The following ERGIC3 variants were observed in gnomAD, a reference collection of about 807,000 sequenced individuals.
The protein encoded by ERGIC3 is ERGIC and golgi 3, also known as endoplasmic reticulum-Golgi intermediate compartment protein 3.
Under a neutral mutation model 54.7 loss-of-function variants are expected in ERGIC3, and 33 were observed. The observed-to-expected ratio is 0.60, with a 90% confidence interval of 0.46 to 0.81. The LOEUF (loss-of-function observed/expected upper bound fraction) is 0.81. ERGIC3 is among the 30% of genes least tolerant of loss of function. The pLI is 0.00. For synonymous variants in ERGIC3, 186 were observed against 189.8 expected, an observed-to-expected ratio of 0.98 and a Z score of 0.16; for missense variants, 399 against 488.4, an observed-to-expected ratio of 0.82 and a Z score of 1.73.
intron 4 of ERGIC3, 170 bp from the exon 5 acceptor site, chr20:35,547,242 G>T (rs2064653407): frequency 3.4e-6 from 2 of 585,244 alleles, no homozygotes; most frequent in Non-Finnish European, 6.2e-6. Flanking sequence ...TTTATTAAAA[G>T]AATTGATATG....
At chr20:35,552,537 C>T (rs1287573979) in intron 7 of ERGIC3, among the ~76,000 whole-genome samples, 1 of 152,108 alleles carries the variant, frequency 6.6e-6, no homozygotes, top group Non-Finnish European at 1.5e-5. Flanking sequence ...CATCTTGATT[C>T]TGGACCACAG....
Position 35,548,795 on chromosome 20 carries a change from A to C in ERGIC3, c.628-13A>C, listed in dbSNP as rs1419639258. 6 of 1,614,212 alleles carry C rather than the reference A, an allele frequency of 3.7e-6. No individual in the cohort carries two copies. Among genetic ancestry groups the C allele is most frequent in the Non-Finnish European group, 5.1e-6 (6 of 1,180,020 alleles). The stretch of plus-strand genomic sequence containing the variant: ...GGACACAGCCAGTGAATGAGAGAGA[A>C]TGTTCCTTACAGGTGGCCGGAAACT... On this transcript the variant is annotated splice_polypyrimidine_tract_variant and intron_variant, in intron 6 of 12. Coordinates refer to ENST00000348547, the MANE Select transcript of ERGIC3 (RefSeq NM_015966.3).
rs558442058 is a variant in ERGIC3 at position 35,555,311 on chromosome 20, G to A, written c.717+236G>A. 3.3e-5 allele frequency among the ~76,000 whole-genome samples: 5 copies of A among 152,236 alleles called. No homozygotes were observed. The South Asian group carries it at 6.2e-4, about 19-fold the overall frequency. ...CATCCTAGACAGACAGAGCCTCAGC[G>A]CAAGGTCAGGCGGGAGCATGGCCCT... On this transcript the variant is annotated intron_variant, in intron 8 of 12. Transcript: ENST00000348547.
chr20:35,543,127 C>G (rs74332413), intron 4 of ERGIC3, 186 bp downstream of exon 4: 13 of 669,366 alleles, frequency 1.9e-5, no homozygotes, highest in East Asian at 3.2e-5. Context: ...CTATACATAT[C>G]GAGTCAGGTA....
intron 7 of ERGIC3, among the ~76,000 whole-genome samples, chr20:35,553,681 C>T (rs556588375): frequency 1.3e-5 from 2 of 152,090 alleles, no homozygotes; most frequent in African/African-American, 4.8e-5. Context: ...AGTGTGGGGG[C>T]TGGAGGACCC....
intron 4 of ERGIC3, among the ~76,000 whole-genome samples, chr20:35,547,044 C>T (rs1331881652): frequency 6.6e-6 from 1 of 152,102 alleles, no homozygotes; most frequent in Admixed American, 6.6e-5. Context: ...AAATCTGTTT[C>T]CTCGGTTGCA....
At chr20:35,554,403 C>T (rs199933807) in intron 7 of ERGIC3, 63 of 1,613,980 alleles carry the variant, frequency 3.9e-5, no homozygotes, top group Non-Finnish European at 2.7e-5. Context: ...GGCCCTGCCC[C>T]CATGGAGGCC....
At chr20:35,543,744 A>T in intron 4 of ERGIC3, 1 of 469,900 alleles carries the variant, frequency 2.1e-6, no homozygotes, top group Non-Finnish European at 4.4e-6. Context: ...ATGGTTGTTG[A>T]TTCCAACGCT....
At position 35,557,524 on chromosome 20, in the gene ERGIC3, T is replaced by TGTC. The variant is rs758608424; in HGVS notation, c.*21_*23dup. 49 of 1,609,362 alleles carry TGTC rather than the reference T, an allele frequency of 3.0e-5. No homozygotes were observed. The East Asian group carries it at 7.6e-4, about 25-fold the overall frequency. The stretch of plus-strand genomic sequence containing the variant: ...ACGTAGTCACCCTCGGTGCTTCCTC[T>TGTC]GTCTCCTCTTTCTCCCTGGCCTGTG... On this transcript the variant is annotated 3_prime_UTR_variant, in exon 13 of 13. Transcript: ENST00000348547.
At position 35,553,998 on chromosome 20, in the gene ERGIC3, G is replaced by A. The variant is rs2064697729; in HGVS notation, c.686-1046G>A. Among the ~76,000 whole-genome samples, 4 of 152,300 alleles carry A rather than the reference G, an allele frequency of 2.6e-5. No individual in the cohort carries two copies. In the South Asian group the frequency reaches 8.3e-4, roughly 32 times the overall value. ...TCCTTGTTGATTGGGGCTGGGGTGGGTAATAATCTCTTACAGTGTAAAGTT... is the reference window on the plus strand; with the variant it reads ...TCCTTGTTGATTGGGGCTGGGGTGGATAATAATCTCTTACAGTGTAAAGTT... On this transcript the variant is annotated intron_variant, in intron 7 of 12. Coordinates refer to ENST00000348547, the MANE Select transcript of ERGIC3 (RefSeq NM_015966.3).
At chr20:35,548,750 G>T in intron 6 of ERGIC3, 58 bp from the exon 7 acceptor site, 1 of 1,614,172 alleles carries the variant, frequency 6.2e-7, no homozygotes, top group Admixed American at 1.7e-5. Context: ...GCCCAGTCAG[G>T]CCCTGAGTAG....
rs1477245413 is a variant in ERGIC3, at chr20:35,556,198, T to TC, written c.815-5dup. 6.2e-7 allele frequency: 1 copy of TC among 1,614,026 alleles called. No homozygotes were observed. Among genetic ancestry groups the TC allele is most frequent in the Non-Finnish European group, 8.5e-7 (1 of 1,180,038 alleles). ...GGCACCCATACCCAGTGCTTTGTTT[T>TC]CCCCTCAGCCTCCATGATGTTCCAG... On this transcript the variant is annotated splice_polypyrimidine_tract_variant and intron_variant, in intron 9 of 12. Transcript: ENST00000348547.
intron 7 of ERGIC3, chr20:35,554,488 C>T (rs760677701): frequency 8.0e-7 from 1 of 1,257,448 alleles, no homozygotes; most frequent in Non-Finnish European, 1.1e-6. Context: ...TGGGTCTCCT[C>T]TGACCTGGCT....
rs754317901 is a variant in ERGIC3 at position 35,555,485 on chromosome 20, G to A, written c.717+410G>A. ...GTTGGCCTTCTTTAAGCAGGATCAC[G>A]ACATAATCAGATTTGCATTTTAGGA... On this transcript the variant is annotated intron_variant, in intron 8 of 12. Transcript: ENST00000348547. Among the ~76,000 whole-genome samples the A allele has an allele frequency of 7.2e-5, 11 of 152,148 alleles. 1 individual carries two copies. The highest frequency in any genetic ancestry group is 3.3e-4 in the Admixed American group (5 of 15,268).
At chr20:35,554,383 G>A (rs746972251) in intron 7 of ERGIC3, 1 of 1,614,178 alleles carries the variant, frequency 6.2e-7, no homozygotes, top group Non-Finnish European at 8.5e-7. Context: ...ACATGCTGTG[G>A]AGAGTAAGTG....
rs574314046 is a variant in ERGIC3 at position 35,549,316 on chromosome 20, A to G, written c.685+451A>G. 3.8e-4 allele frequency: 170 copies of G among 445,640 alleles called. 1 individual carries two copies. Among genetic ancestry groups the G allele is most frequent in the Non-Finnish European group, 3.2e-5 (7 of 216,482 alleles). The allele number at this position is 445,640 out of a possible 1,614,324, so 27.6% of individuals were successfully genotyped here. A position where few individuals can be genotyped will look rare whatever the true frequency, so the allele number is the denominator to read the frequency against. On this transcript the variant is annotated intron_variant, in intron 7 of 12. Coordinates refer to ENST00000348547, the MANE Select transcript of ERGIC3 (RefSeq NM_015966.3). ...GCACAGGTTCTGCCACACCTGGGCT[A>G]TGTCATATTTGGGCCCTATTTAGTT...
intron 7 of ERGIC3, among the ~76,000 whole-genome samples, chr20:35,551,363 G>A (rs975475560): frequency 1.3e-5 from 2 of 151,918 alleles, no homozygotes; most frequent in Non-Finnish European, 2.9e-5. Flanking sequence ...AGGTTTAGAT[G>A]TTCGGAAATG....
chr20:35,556,247 T>A lies in ERGIC3; in HGVS notation c.855T>A (p.Thr285=). The A allele has an allele frequency of 6.2e-7, 1 of 1,614,148 alleles. No homozygotes were observed. The highest frequency in any genetic ancestry group is 2.2e-5 in the East Asian group (1 of 44,888). ...MFQYFVKVVP[T]VYMKVDGEVL... The stretch of plus-strand genomic sequence containing the variant: ...AGTACTTTGTGAAGGTGGTGCCCAC[T>A]GTGTACATGAAGGTGGACGGAGAGG... Residue 285 remains threonine (T), a synonymous_variant, in exon 10 of 13, where the codon ACT becomes ACA. Transcript: ENST00000348547.
At chr20:35,543,822 G>T in intron 4 of ERGIC3, 1 of 428,706 alleles carries the variant, frequency 2.3e-6, no homozygotes, top group Admixed American at 2.6e-5. Context: ...TGGTGGGAGG[G>T]AGGAGTGGCT....
Sources: gnomAD v4.1 joint callset for allele counts (sites outside exome capture counted in the v4.1 genomes callset) on GRCh38, gnomAD v4.1.1 for gene constraint, MANE v1.5 for transcripts, NCBI Gene and HGNC (gene_info 2026-07-23, HGNC 2026-07-21) for gene names.